Variants in ENTREP2 observed in about 807,000 individuals in gnomAD.
ENTREP2 encodes the protein protein ENTREP2.
the ENTREP2 span, among the ~76,000 whole-genome samples, chr15:29,571,218 G>A: frequency 6.6e-6 from 1 of 152,120 alleles, no homozygotes; most frequent in Non-Finnish European, 1.5e-5. Context: ...GGCGGCTGCA[G>A]GTCTGCGGAA....
At chr15:29,150,981 C>T in the ENTREP2 span, among the ~76,000 whole-genome samples, 3 of 152,044 alleles carry the variant, frequency 2.0e-5, no homozygotes, top group African/African-American at 7.2e-5. Context: ...CACACACACG[C>T]GTGCGCATAG....
chr15:29,545,212 T>C, the ENTREP2 span, among the ~76,000 whole-genome samples: 1 of 152,228 alleles, frequency 6.6e-6, no homozygotes, highest in African/African-American at 2.4e-5. Context: ...CCATGACAGT[T>C]GTTTAATTTC....
At chr15:29,641,279 A>G in the ENTREP2 span, among the ~76,000 whole-genome samples, 1 of 152,238 alleles carries the variant, frequency 6.6e-6, no homozygotes, top group East Asian at 1.9e-4. Context: ...TGCCACCTCT[A>G]CTCAATATTA....
chr15:29,129,443 A>C, the ENTREP2 span, among the ~76,000 whole-genome samples: 1 of 152,182 alleles, frequency 6.6e-6, no homozygotes, highest in African/African-American at 2.4e-5. Flanking sequence ...CGAGTTGCAC[A>C]GTCATCGAGC....
the ENTREP2 span, among the ~76,000 whole-genome samples, chr15:29,542,702 T>C: frequency 1.3e-5 from 2 of 152,176 alleles, no homozygotes; most frequent in Non-Finnish European, 2.9e-5. Flanking sequence ...CTTTTTATCA[T>C]GCAAAACTGA....
At chr15:29,346,798 C>G in the ENTREP2 span, among the ~76,000 whole-genome samples, 1 of 152,062 alleles carries the variant, frequency 6.6e-6, no homozygotes, top group African/African-American at 2.4e-5. Flanking sequence ...TCAGAAAATG[C>G]TCCAATTTCA....
the ENTREP2 span, among the ~76,000 whole-genome samples, chr15:29,407,581 C>G: frequency 6.6e-6 from 1 of 152,132 alleles, no homozygotes; most frequent in East Asian, 1.9e-4. Context: ...CCATAGTGCA[C>G]CAGGCCAGGG....
At chr15:29,287,070 C>T in the ENTREP2 span, among the ~76,000 whole-genome samples, 11 of 152,180 alleles carry the variant, frequency 7.2e-5, no homozygotes, top group Admixed American at 5.2e-4. Flanking sequence ...GGGGCAATAA[C>T]GCAAGATAGT....
the ENTREP2 span, among the ~76,000 whole-genome samples, chr15:29,287,383 CAA>C: frequency 3.5e-5 from 4 of 113,080 alleles, no homozygotes; most frequent in Non-Finnish European, 3.4e-5. Context: ...GCAAGACCAG[CAA>C]AAAAAAAAAA....
the ENTREP2 span, chr15:29,128,701 G>C: frequency 1.0e-6 from 1 of 984,490 alleles, no homozygotes; most frequent in African/African-American, 1.6e-5. Flanking sequence ...AAAGAGAAGA[G>C]AAGAGAAGAG....
chr15:29,257,958 T>A, the ENTREP2 span, among the ~76,000 whole-genome samples: 22 of 152,182 alleles, frequency 1.4e-4, no homozygotes, highest in Middle Eastern at 3.4e-3. Flanking sequence ...ACACCTGTAA[T>A]CCCAGCACTT....
chr15:29,452,564 T>G, the ENTREP2 span: 1 of 151,066 alleles, frequency 6.6e-6, no homozygotes, highest in East Asian at 2.0e-4. Flanking sequence ...ACAGTCACAG[T>G]CCTACCTGCC....
chr15:29,596,124 G>A, the ENTREP2 span, among the ~76,000 whole-genome samples: 2 of 152,178 alleles, frequency 1.3e-5, no homozygotes, highest in Non-Finnish European at 2.9e-5. Context: ...GTTGGCAGAA[G>A]AGCAAAATAT....
chr15:29,594,525 T>A, the ENTREP2 span, among the ~76,000 whole-genome samples: 2 of 152,132 alleles, frequency 1.3e-5, no homozygotes, highest in African/African-American at 4.8e-5. Context: ...TAAGAATCGA[T>A]GTTTTCGTTG....
chr15:29,389,494 C>T, the ENTREP2 span, among the ~76,000 whole-genome samples: 1 of 152,130 alleles, frequency 6.6e-6, no homozygotes, highest in Non-Finnish European at 1.5e-5. Flanking sequence ...ACTGTGCATG[C>T]ATTGCTTGCT....
At chr15:29,230,252 T>C in the ENTREP2 span, among the ~76,000 whole-genome samples, 3 of 152,228 alleles carry the variant, frequency 2.0e-5, no homozygotes, top group Non-Finnish European at 2.9e-5. Flanking sequence ...ATCTTATTTC[T>C]TCCAATCAAT....
At chr15:29,634,436 G>A in the ENTREP2 span, among the ~76,000 whole-genome samples, 54 of 152,166 alleles carry the variant, frequency 3.5e-4, 1 homozygote, top group East Asian at 8.5e-3. Context: ...GGCTGTAAAA[G>A]TAGAAAAAAA....
At chr15:29,203,462 T>C in the ENTREP2 span, among the ~76,000 whole-genome samples, 1 of 152,182 alleles carries the variant, frequency 6.6e-6, no homozygotes. Context: ...GCATCTGTTG[T>C]TTCCTGCCTT....
chr15:29,299,682 T>A, the ENTREP2 span, among the ~76,000 whole-genome samples: 125 of 152,306 alleles, frequency 8.2e-4, 4 homozygotes, highest in East Asian at 0.022. Flanking sequence ...TATCACTTTA[T>A]AATATATAAT....
Sources: allele counts gnomAD v4.1 joint callset (sites outside exome capture counted in the v4.1 genomes callset), GRCh38; gene constraint gnomAD v4.1.1; transcripts MANE v1.5; gene names NCBI Gene and HGNC (gene_info 2026-07-23, HGNC 2026-07-21).